The following CDIN1 variants were observed in gnomAD, a reference collection of about 807,000 sequenced individuals.
CDIN1 encodes the protein CDAN1-interacting nuclease 1.
In CDIN1, 33 loss-of-function variants were observed where a neutral mutation model predicts 45.3. That is an observed-to-expected ratio of 0.73 (90% CI 0.55 to 0.97). The LOEUF is 0.97. CDIN1 is among the 50% of genes least tolerant of loss of function. CDIN1 has a pLI of 0.00. For synonymous variants in CDIN1, 118 were observed against 124.4 expected (o/e 0.95, Z 0.34); for missense variants, 303 against 339.4 (o/e 0.89, Z 0.84).
chr15:36,594,802 G>A, intron 1 of CDIN1: 1 of 659,298 alleles, frequency 1.5e-6, no homozygotes. Context: ...GGCTAAATGG[G>A]AGTCCGGCAC....
At chr15:36,711,280 A>G (rs1232395344) in intron 10 of CDIN1, among the ~76,000 whole-genome samples, 3 of 152,160 alleles carry the variant, frequency 2.0e-5, no homozygotes, top group Non-Finnish European at 4.4e-5. Context: ...GATAAGCTCA[A>G]TCAGTAGGGA....
At chr15:36,786,033 C>G (rs1372079271) in intron 10 of CDIN1, among the ~76,000 whole-genome samples, 1 of 152,150 alleles carries the variant, frequency 6.6e-6, no homozygotes, top group East Asian at 1.9e-4. Context: ...ATATAAAGCT[C>G]ATTTATCCTG....
intron 7 of CDIN1, among the ~76,000 whole-genome samples, chr15:36,695,395 G>A (rs890923260): frequency 3.3e-5 from 5 of 152,138 alleles, no homozygotes; most frequent in African/African-American, 1.2e-4. Flanking sequence ...TGAAATACTA[G>A]ACTAGGATAA....
intron 10 of CDIN1, among the ~76,000 whole-genome samples, chr15:36,724,949 C>T (rs1177882818): frequency 1.3e-5 from 2 of 152,108 alleles, no homozygotes; most frequent in African/African-American, 4.8e-5. Flanking sequence ...TTAACAATCA[C>T]ACTTGAAAGA....
At chr15:36,779,870 T>G (rs535793659) in intron 10 of CDIN1, among the ~76,000 whole-genome samples, 5 of 152,316 alleles carry the variant, frequency 3.3e-5, no homozygotes, top group African/African-American at 9.6e-5. Flanking sequence ...GTGAATATAG[T>G]CTTCTGAAGA....
chr15:36,613,433 G>C, intron 1 of CDIN1: 2 of 1,474,386 alleles, frequency 1.4e-6, no homozygotes, highest in East Asian at 4.5e-5. Context: ...GAGTGGAGGA[G>C]GCAGGAACTG....
chr15:36,757,705 C>A (rs941704532), intron 10 of CDIN1, among the ~76,000 whole-genome samples: 1 of 152,066 alleles, frequency 6.6e-6, no homozygotes, highest in Admixed American at 6.6e-5. Context: ...TCTAGACATC[C>A]ACCTCATCTT....
chr15:36,650,643 A>G (rs1652985035), intron 3 of CDIN1, among the ~76,000 whole-genome samples: 1 of 151,918 alleles, frequency 6.6e-6, no homozygotes, highest in South Asian at 2.1e-4. Context: ...AGGTTTCACC[A>G]TGCTGTGCAG....
chr15:36,623,987 A>T (rs2039313245), intron 1 of CDIN1, among the ~76,000 whole-genome samples: 1 of 152,124 alleles, frequency 6.6e-6, no homozygotes, highest in Non-Finnish European at 1.5e-5. Flanking sequence ...TAGTGATGAT[A>T]ATTAAATGAA....
intron 10 of CDIN1, among the ~76,000 whole-genome samples, chr15:36,751,228 TTTATATATATATATA>T (rs1362916129): frequency 7.6e-5 from 5 of 65,894 alleles, no homozygotes; most frequent in Admixed American, 6.1e-4. Context: ...ATATGCTTAT[TTTATATATATATATA>T]TATATATATA....
chr15:36,625,338 C>A (rs2140327231), intron 1 of CDIN1, among the ~76,000 whole-genome samples: 1 of 151,770 alleles, frequency 6.6e-6, no homozygotes, highest in South Asian at 2.1e-4. Context: ...TGGAAAGTAA[C>A]TGTGCTTATT....
intron 10 of CDIN1, among the ~76,000 whole-genome samples, chr15:36,784,388 T>C (rs895005225): frequency 6.6e-6 from 1 of 152,142 alleles, no homozygotes; most frequent in Non-Finnish European, 1.5e-5. Context: ...AAAAGGAAAT[T>C]AGAGTCTAAC....
At chr15:36,619,493 ATCT>A (rs2140304886) in intron 1 of CDIN1, among the ~76,000 whole-genome samples, 2 of 151,942 alleles carry the variant, frequency 1.3e-5, no homozygotes, top group East Asian at 3.9e-4. Flanking sequence ...CTATCTATCT[ATCT>A]ATCTATCTAT....
intron 10 of CDIN1, among the ~76,000 whole-genome samples, chr15:36,745,667 A>G (rs1046814854): frequency 3.3e-5 from 5 of 152,154 alleles, no homozygotes; most frequent in South Asian, 4.1e-4. Context: ...TAACTCATTT[A>G]AGAATATTAC....
intron 5 of CDIN1, chr15:36,691,340 A>C (rs1473040104): frequency 1.4e-5 from 4 of 277,274 alleles, no homozygotes; most frequent in Non-Finnish European, 2.8e-5. Context: ...TGGTTATAAA[A>C]TAACTACCTG....
At chr15:36,583,767 G>A (rs1214287395) in intron 1 of CDIN1, among the ~76,000 whole-genome samples, 3 of 152,186 alleles carry the variant, frequency 2.0e-5, no homozygotes, top group East Asian at 1.9e-4. Flanking sequence ...CTGTAATCCC[G>A]GCACTTTGGG....
At chr15:36,761,866 GA>G (rs1313799898) in intron 10 of CDIN1, among the ~76,000 whole-genome samples, 1 of 152,096 alleles carries the variant, frequency 6.6e-6, no homozygotes, top group African/African-American at 2.4e-5. Flanking sequence ...TTTGGAAAGG[GA>G]AAAAATAAAA....
intron 10 of CDIN1, among the ~76,000 whole-genome samples, chr15:36,723,430 T>G (rs1386732398): frequency 6.6e-6 from 1 of 152,168 alleles, no homozygotes; most frequent in Admixed American, 6.5e-5. Context: ...GTATTAAAAG[T>G]GAAGTCATTG....
At chr15:36,755,044 A>G (rs1366170074) in intron 10 of CDIN1, among the ~76,000 whole-genome samples, 2 of 152,148 alleles carry the variant, frequency 1.3e-5, no homozygotes, top group Non-Finnish European at 2.9e-5. Flanking sequence ...TTTCTTTATC[A>G]CTGAAGTAGG....
Sources: gnomAD v4.1 joint callset for allele counts (sites outside exome capture counted in the v4.1 genomes callset) on GRCh38, gnomAD v4.1.1 for gene constraint, MANE v1.5 for transcripts, NCBI Gene and HGNC (gene_info 2026-07-23, HGNC 2026-07-21) for gene names.